PPP6R2: variants seen among roughly 807,000 people sequenced by gnomAD.
PPP6R2 encodes protein phosphatase 6 regulatory subunit 2.
A neutral mutation model predicts 100.2 loss-of-function variants in PPP6R2; 62 were observed. That is an observed-to-expected ratio of 0.62 (90% CI 0.50 to 0.76). PPP6R2 has a LOEUF of 0.76. PPP6R2 is among the 30% of genes least tolerant of loss of function. The pLI is 0.00. For missense variants in PPP6R2, 1,142 were observed against 1,276.3 expected (o/e 0.89, Z 1.60); for synonymous variants, 525 against 514.7 (o/e 1.02, Z -0.27).
intron 3 of PPP6R2, among the ~76,000 whole-genome samples, chr22:50,397,575 T>TCA (rs570686452): frequency 2.9e-5 from 3 of 103,242 alleles, no homozygotes; most frequent in East Asian, 3.0e-4. Context: ...AGCCCTGTCA[T>TCA]CTCTGAGTTT....
chr22:50,332,390 C>T, the PPP6R2 span, among the ~76,000 whole-genome samples: 1 of 151,914 alleles, frequency 6.6e-6, no homozygotes, highest in South Asian at 2.1e-4. Flanking sequence ...ACCACCACAC[C>T]TGGTTAATTT....
intron 2 of PPP6R2, among the ~76,000 whole-genome samples, chr22:50,384,565 A>T (rs2053820260): frequency 6.6e-6 from 1 of 152,210 alleles, no homozygotes; most frequent in Admixed American, 6.5e-5. Context: ...AAAAAAAGAA[A>T]AGAAAAGAAA....
At chr22:50,362,526 G>A (rs757411776) in intron 1 of PPP6R2, among the ~76,000 whole-genome samples, 3 of 152,176 alleles carry the variant, frequency 2.0e-5, no homozygotes, top group Non-Finnish European at 2.9e-5. Context: ...TCTGCATGGA[G>A]GCCTCATGCC....
intron 1 of PPP6R2, among the ~76,000 whole-genome samples, chr22:50,366,282 C>T (rs933416867): frequency 1.3e-5 from 2 of 151,186 alleles, no homozygotes; most frequent in Non-Finnish European, 2.9e-5. Context: ...ATAGGCTCTG[C>T]GTGAGCTTTG....
At chr22:50,377,467 G>T (rs2051856749) in intron 2 of PPP6R2, among the ~76,000 whole-genome samples, 2 of 151,720 alleles carry the variant, frequency 1.3e-5, no homozygotes, top group Non-Finnish European at 1.5e-5. Flanking sequence ...ATAATTCAGT[G>T]TGTACAGGTT....
intron 1 of PPP6R2, among the ~76,000 whole-genome samples, chr22:50,367,156 GGAGGATGCCTGGACAGGGGAGCA>G (rs1009160908): frequency 2.2e-4 from 33 of 152,104 alleles, no homozygotes; most frequent in South Asian, 2.1e-3. Context: ...ATGTGGGAGC[GGAGGATGCCTGGACAGGGGAGCA>G]GAGGATGCCT....
chr22:50,437,205 G>T, intron 15 of PPP6R2, 137 bp downstream of exon 15: 1 of 889,066 alleles, frequency 1.1e-6, no homozygotes, highest in East Asian at 2.6e-5. Flanking sequence ...CACGTATGGG[G>T]CGGGGTGGGT....
At chr22:50,333,399 C>G in the PPP6R2 span, among the ~76,000 whole-genome samples, 2 of 147,898 alleles carry the variant, frequency 1.4e-5, no homozygotes, top group African/African-American at 4.9e-5. Context: ...TGCAGTGGCA[C>G]AATCTTGGCT....
At chr22:50,333,752 CAA>C in the PPP6R2 span, among the ~76,000 whole-genome samples, 1 of 152,072 alleles carries the variant, frequency 6.6e-6, no homozygotes. Flanking sequence ...AGACGCAAGA[CAA>C]AGAGATAGAA....
At chr22:50,332,626 CTTT>C in the PPP6R2 span, among the ~76,000 whole-genome samples, 5 of 134,078 alleles carry the variant, frequency 3.7e-5, no homozygotes, top group Non-Finnish European at 4.8e-5. Flanking sequence ...GGTTTAAATC[CTTT>C]TTTTTTTTTT....
At chr22:50,436,525 C>A in intron 14 of PPP6R2, 73 bp downstream of exon 14, 1 of 1,469,802 alleles carries the variant, frequency 6.8e-7, no homozygotes, top group Non-Finnish European at 9.3e-7. Context: ...CTGCCTTTGC[C>A]CTGAGGCAGA....
chr22:50,380,420 G>A (rs1252164318), intron 2 of PPP6R2, among the ~76,000 whole-genome samples: 2 of 151,308 alleles, frequency 1.3e-5, no homozygotes, highest in African/African-American at 2.4e-5. Flanking sequence ...GAGTGCAGTG[G>A]TGCAGTCTCG....
chr22:50,423,627 C>T lies in PPP6R2; in HGVS notation c.1125+13C>T, dbSNP rs770424854. 1.2e-6 allele frequency: 2 copies of T among 1,613,880 alleles called. No individual in the cohort carries two copies. Among genetic ancestry groups the T allele is most frequent in the South Asian group, 2.2e-5 (2 of 91,072 alleles). On this transcript the variant is annotated intron_variant, in intron 10 of 23. Coordinates refer to ENST00000612753, the MANE Select transcript of PPP6R2 (RefSeq NM_001242898.2). This position sits in a 1 kb window ranked among gnomAD's most constrained non-coding sequence, Gnocchi z 4.8. ...GGACTTACTGCTGGTAAGTGGGCCC[C>T]TCAGCCAGCCCTGCATGTCTGTGAG...
chr22:50,441,275 T>C (rs2065541871), intron 22 of PPP6R2, among the ~76,000 whole-genome samples: 1 of 152,084 alleles, frequency 6.6e-6, no homozygotes, highest in Non-Finnish European at 1.5e-5. Context: ...TGTTCTCTGT[T>C]GTGAGTGGTT....
chr22:50,424,091 A>G (rs1212205260), intron 10 of PPP6R2, among the ~76,000 whole-genome samples: 1 of 152,140 alleles, frequency 6.6e-6, no homozygotes. Flanking sequence ...GGCTGAGGAG[A>G]GGAAGGGGCA....
intron 3 of PPP6R2, among the ~76,000 whole-genome samples, chr22:50,403,585 G>C (rs1301607513): frequency 6.6e-6 from 1 of 152,186 alleles, no homozygotes; most frequent in African/African-American, 2.4e-5. Context: ...GGATGAGCTT[G>C]GGCCTGCCCC....
intron 1 of PPP6R2, among the ~76,000 whole-genome samples, chr22:50,361,751 T>G (rs144015046): frequency 6.6e-6 from 1 of 152,276 alleles, no homozygotes; most frequent in Non-Finnish European, 1.5e-5. Flanking sequence ...TTCCCAGGAT[T>G]ATATTATTGA....
intron 1 of PPP6R2, among the ~76,000 whole-genome samples, chr22:50,352,069 A>G (rs534771573): frequency 8.5e-5 from 13 of 152,114 alleles, no homozygotes; most frequent in East Asian, 1.9e-4. Context: ...TGCTGGGATT[A>G]CAGGCGTGAG....
chr22:50,371,829 G>A (rs1031205967), intron 1 of PPP6R2, among the ~76,000 whole-genome samples, 191 bp from the exon 2 acceptor site: 1 of 152,076 alleles, frequency 6.6e-6, no homozygotes, highest in African/African-American at 2.4e-5. Context: ...GTAGAAATGA[G>A]GTTTTTCCAT....
Sources: gnomAD v4.1 joint callset for allele counts (sites outside exome capture counted in the v4.1 genomes callset) on GRCh38, gnomAD v4.1.1 for gene constraint, Gnocchi (gnomAD v3.1) non-coding constraint, MANE v1.5 for transcripts, NCBI Gene and HGNC (gene_info 2026-07-23, HGNC 2026-07-21) for gene names.